RICTOR: variants seen among roughly 807,000 people sequenced by gnomAD.
The protein encoded by RICTOR is rapamycin-insensitive companion of mTOR.
RICTOR carries 49 observed loss-of-function variants against 214.9 expected under a neutral mutation model. The observed-to-expected ratio is 0.23, with a 90% CI of 0.18 to 0.29. RICTOR has a LOEUF of 0.29. RICTOR is among the 10% of genes least tolerant of loss of function. RICTOR has a pLI of 1.00. For missense variants in RICTOR, 1,625 were observed against 2,047.0 expected (o/e 0.79, Z 3.98); for synonymous variants, 717 against 711.3 (o/e 1.01, Z -0.13).
intron 17 of RICTOR, 54 bp from the exon 18 acceptor site, chr5:38,962,640 G>A: frequency 9.8e-7 from 1 of 1,017,700 alleles, no homozygotes; most frequent in Non-Finnish European, 1.5e-6. Context: ...CCTCATATCA[G>A]AAAACTAAGT....
chr5:38,944,388 T>C, intron 36 of RICTOR, 58 bp downstream of exon 36: 1 of 1,535,704 alleles, frequency 6.5e-7, no homozygotes, highest in Non-Finnish European at 8.9e-7. Context: ...TTCAAGTATC[T>C]TTTCTCGACT....
At chr5:39,035,695 G>C (rs560137677) in intron 2 of RICTOR, among the ~76,000 whole-genome samples, 2 of 152,188 alleles carry the variant, frequency 1.3e-5, no homozygotes, top group African/African-American at 4.8e-5. Context: ...TAGCCGATTC[G>C]ATCAACTGGA....
At chr5:39,007,470 T>C (rs551043338) in intron 3 of RICTOR, among the ~76,000 whole-genome samples, 133 of 152,230 alleles carry the variant, frequency 8.7e-4, no homozygotes, top group African/African-American at 3.0e-3. Context: ...TTCTGAGGTA[T>C]TGGAGGTTAG....
rs1220100304 is a variant in RICTOR at position 38,941,550 on chromosome 5, T to A, written c.*754A>T. ...GCATTCTATAAATGGGAAATATTTT[T>A]AATTAAAATAAAAAATGATTTTTAA... On this transcript the variant is annotated 3_prime_UTR_variant, in exon 38 of 38. Transcript: ENST00000357387. 1 of 230,960 alleles carries A rather than the reference T, an allele frequency of 4.3e-6. No homozygotes were observed. Among genetic ancestry groups the A allele is most frequent in the Non-Finnish European group, 8.6e-6 (1 of 116,544 alleles). The allele number at this position is 230,960 out of a possible 1,614,324, so 14.3% of individuals were successfully genotyped here.
chr5:39,011,236 G>C (rs1754490950), intron 3 of RICTOR, among the ~76,000 whole-genome samples: 2 of 152,194 alleles, frequency 1.3e-5, no homozygotes, highest in South Asian at 4.1e-4. Flanking sequence ...CCAAGCCTTG[G>C]CAATTTACAC....
At chr5:38,997,664 A>ATTTTTT (rs1753276211) in intron 5 of RICTOR, among the ~76,000 whole-genome samples, 1 of 152,154 alleles carries the variant, frequency 6.6e-6, no homozygotes, top group Admixed American at 6.6e-5. Flanking sequence ...AAAAAAAAAA[A>ATTTTTT]TACTTTACAG....
chr5:38,970,833 G>A (rs188779992), intron 11 of RICTOR: 3 of 152,034 alleles, frequency 2.0e-5, no homozygotes, highest in African/African-American at 7.2e-5. Flanking sequence ...AACCACCATC[G>A]TTAAAATAAA....
chr5:38,979,771 CTTGT>C (rs1466151388), intron 8 of RICTOR, among the ~76,000 whole-genome samples: 6 of 152,156 alleles, frequency 3.9e-5, no homozygotes, highest in Non-Finnish European at 8.8e-5. Context: ...TATGTATTAT[CTTGT>C]TTGTTTTCTG....
In RICTOR at chr5:38,950,275, T is replaced by G; in HGVS notation, c.3573A>C (p.Thr1191=). The change falls in exon 31 of 38, where the codon ACA becomes ACC. Residue 1191 remains threonine (T), a synonymous_variant. Coordinates refer to ENST00000357387, the MANE Select transcript of RICTOR (RefSeq NM_152756.5). ...NDLKFTKNFG[T]ENHRENTSRE... ...GGCTTGTATTTTCTCTGTGATTCTC[T>G]GTACCAAAATTCTTGGTGAATTTTA... The G allele has an allele frequency of 1.2e-6, 2 of 1,613,664 alleles. No individual in the cohort carries two copies. The highest frequency in any genetic ancestry group is 1.1e-5 in the South Asian group (1 of 91,070).
intron 5 of RICTOR, among the ~76,000 whole-genome samples, chr5:38,998,105 C>T (rs2150095741): frequency 6.6e-6 from 1 of 152,328 alleles, no homozygotes; most frequent in Non-Finnish European, 1.5e-5. Flanking sequence ...AATATCTACA[C>T]TCTGAGATCC....
At chr5:39,023,718 T>C (rs1580126608) in intron 2 of RICTOR, among the ~76,000 whole-genome samples, 1 of 152,242 alleles carries the variant, frequency 6.6e-6, no homozygotes, top group East Asian at 1.9e-4. Context: ...CCTCATCAAA[T>C]GAAACGGTTT....
At chr5:39,040,939 TAGAC>T (rs1172109510) in intron 2 of RICTOR, among the ~76,000 whole-genome samples, 1 of 152,174 alleles carries the variant, frequency 6.6e-6, no homozygotes, top group Non-Finnish European at 1.5e-5. Context: ...AGTAATATAA[TAGAC>T]AGGTAGGTAG....
intron 17 of RICTOR, 132 bp from the exon 18 acceptor site, chr5:38,962,718 T>G (rs1258051141): frequency 6.2e-6 from 5 of 802,626 alleles, no homozygotes; most frequent in Non-Finnish European, 9.8e-6. Flanking sequence ...AACTTTAAAG[T>G]TATAAAAACC....
At chr5:38,998,293 C>A (rs1753328246) in intron 5 of RICTOR, among the ~76,000 whole-genome samples, 1 of 152,222 alleles carries the variant, frequency 6.6e-6, no homozygotes, top group African/African-American at 2.4e-5. Context: ...TGAGACAGAG[C>A]TGGTGCCTTG....
chr5:38,993,231 G>A (rs1752916905), intron 6 of RICTOR, among the ~76,000 whole-genome samples: 1 of 152,140 alleles, frequency 6.6e-6, no homozygotes, highest in South Asian at 2.1e-4. Flanking sequence ...TATGTATCAA[G>A]GGCATGAGAT....
At chr5:39,072,200 C>T (rs539053432) in intron 2 of RICTOR, among the ~76,000 whole-genome samples, 5 of 152,154 alleles carry the variant, frequency 3.3e-5, no homozygotes, top group African/African-American at 1.2e-4. Context: ...CAGGGCAAGC[C>T]GAAAACAGCA....
rs35354716 is a variant in RICTOR, at chr5:39,053,890, C to CAA, written c.97+20219_97+20220dup. On this transcript the variant is annotated intron_variant, in intron 2 of 37. Coordinates refer to ENST00000357387, the MANE Select transcript of RICTOR (RefSeq NM_152756.5). Reference sequence around the variant, plus strand: ...CCTGGGCGACAGCGAGACTCCGTCTCAAAAAAAAAAAAAAAACCCGTCTCT... The same window carrying CAA: ...CCTGGGCGACAGCGAGACTCCGTCTCAAAAAAAAAAAAAAAAAACCCGTCTCT... Among the ~76,000 whole-genome samples the CAA allele has an allele frequency of 1.3e-3, 98 of 78,340 alleles. 1 individual carries two copies. Among genetic ancestry groups the CAA allele is most frequent in the South Asian group, 3.4e-3 (7 of 2,084 alleles). The allele number at this position is 78,340 out of a possible 152,430, so 51.4% of individuals were successfully genotyped here. A position where few individuals can be genotyped will look rare whatever the true frequency, so the allele number is the denominator to read the frequency against.
chr5:39,003,504 A>G (rs1753802593), intron 4 of RICTOR, 54 bp downstream of exon 4: 2 of 1,175,592 alleles, frequency 1.7e-6, no homozygotes, highest in South Asian at 2.6e-5. Flanking sequence ...AATTACTAAA[A>G]TTAAAATTAC....
chr5:38,954,787 A>G lies in RICTOR; in HGVS notation c.2684T>C (p.Leu895Ser), dbSNP rs1270022666. The G allele has an allele frequency of 6.3e-7, 1 of 1,594,834 alleles. No homozygotes were observed. The highest frequency in any genetic ancestry group is 8.6e-7 in the Non-Finnish European group (1 of 1,163,686). ...QLVHHKTGCH[L>S]LEVQNIITEL... Reference sequence around the variant, plus strand: ...TTATGTTTTTACCTGTACTTCCAACAAATGGCAGCCTGTTTTATGGTGTAC... The same window carrying G: ...TTATGTTTTTACCTGTACTTCCAACGAATGGCAGCCTGTTTTATGGTGTAC... The change falls in exon 27 of 38, where the codon TTG (leucine) becomes TCG (serine). Residue 895 changes from leucine to serine, a missense_variant. Transcript: ENST00000357387.
Sources: gnomAD v4.1 joint callset for allele counts (sites outside exome capture counted in the v4.1 genomes callset) on GRCh38, gnomAD v4.1.1 for gene constraint, MANE v1.5 for transcripts, NCBI Gene and HGNC (gene_info 2026-07-23, HGNC 2026-07-21) for gene names.